Variants in RPRD2 observed in about 807,000 individuals in gnomAD.
The protein encoded by RPRD2 is regulation of nuclear pre-mRNA domain containing 2.
A neutral mutation model predicts 104.4 loss-of-function variants in RPRD2; 12 were observed. The ratio of observed to expected loss-of-function variants is 0.11; its 90% confidence interval spans 0.07 to 0.19. The LOEUF (loss-of-function observed/expected upper bound fraction) is 0.19. Ranked by LOEUF, RPRD2 falls within the 10% of genes least tolerant of loss-of-function variation. The pLI is 1.00. For synonymous variants in RPRD2, 714 were observed against 684.9 expected, an observed-to-expected ratio of 1.04 and a Z score of -0.66; for missense variants, 1,543 against 1,790.1, an observed-to-expected ratio of 0.86 and a Z score of 2.49.
intron 1 of RPRD2, among the ~76,000 whole-genome samples, chr1:150,407,052 A>G (rs1368102279): frequency 6.6e-6 from 1 of 152,210 alleles, no homozygotes; most frequent in Admixed American, 6.6e-5. Flanking sequence ...TATGACCTCT[A>G]GTAATGTACA....
chr1:150,473,853 C>G lies in RPRD2; in HGVS notation c.*519C>G, dbSNP rs1433979870. The G allele has an allele frequency of 6.6e-6, 1 of 152,264 alleles. No individual in the cohort carries two copies. The highest frequency in any genetic ancestry group is 1.5e-5 in the Non-Finnish European group (1 of 68,102). 9.4% of individuals were successfully genotyped at this position (152,264 alleles called of 1,614,324 possible). A position where few individuals can be genotyped will look rare whatever the true frequency, so the allele number is the denominator to read the frequency against. ...TCCCTGTGTATCTGTGTCCTGCTAA[C>G]AGCCAAGAGATGTTGCAAGGGAGGA... is the stretch of plus-strand genomic sequence containing the variant. On this transcript the variant is annotated 3_prime_UTR_variant, in exon 11 of 11. Coordinates refer to ENST00000369068, the MANE Select transcript of RPRD2 (RefSeq NM_015203.5).
intron 1 of RPRD2, among the ~76,000 whole-genome samples, chr1:150,404,074 C>T (rs189853555): frequency 2.0e-5 from 3 of 152,232 alleles, no homozygotes; most frequent in East Asian, 3.9e-4. Context: ...AATATTAACC[C>T]TATTGACTCC....
chr1:150,397,055 C>T (rs1662584205), intron 1 of RPRD2, among the ~76,000 whole-genome samples: 1 of 152,122 alleles, frequency 6.6e-6, no homozygotes, highest in Non-Finnish European at 1.5e-5. Flanking sequence ...TTCACTGCAG[C>T]CTCTGCCTCC....
In RPRD2 at chr1:150,444,156, T is replaced by C. The variant is rs879956524; in HGVS notation, c.568-95T>C. The C allele has an allele frequency of 4.9e-5, 62 of 1,262,302 alleles. No individual in the cohort carries two copies. The South Asian group carries it at 8.9e-4, about 18-fold the overall frequency. 78.2% of individuals were successfully genotyped at this position (1,262,302 alleles called of 1,614,324 possible). On this transcript the variant is annotated intron_variant, in intron 5 of 10. Coordinates refer to ENST00000369068, the MANE Select transcript of RPRD2 (RefSeq NM_015203.5). The stretch of plus-strand genomic sequence containing the variant: ...TTGTTAAGCTTTAGGGTGTTTGTTT[T>C]GTTTTGTTTTGTTTTGTTTTACAAA...
intron 1 of RPRD2, among the ~76,000 whole-genome samples, chr1:150,398,779 G>A (rs1348668114): frequency 1.3e-5 from 2 of 151,978 alleles, no homozygotes; most frequent in African/African-American, 4.8e-5. Context: ...CTGACCTCAA[G>A]TGATCCACCC....
chr1:150,409,963 T>A (rs1400522043), intron 1 of RPRD2, among the ~76,000 whole-genome samples: 2 of 152,042 alleles, frequency 1.3e-5, no homozygotes, highest in African/African-American at 4.8e-5. Context: ...CAGTTTTAAG[T>A]AAGGTAGTCA....
At chr1:150,397,152 A>G (rs1467461057) in intron 1 of RPRD2, among the ~76,000 whole-genome samples, 2 of 151,860 alleles carry the variant, frequency 1.3e-5, no homozygotes, top group Admixed American at 1.3e-4. Context: ...TTTTGTATTT[A>G]TAGTAGAGAG....
intron 2 of RPRD2, among the ~76,000 whole-genome samples, chr1:150,438,869 T>A (rs1666206407): frequency 6.6e-6 from 1 of 151,974 alleles, no homozygotes; most frequent in Non-Finnish European, 1.5e-5. Context: ...GGAGTCTCAC[T>A]CTGTCTCCAG....
chr1:150,392,507 A>T (rs1169028535), intron 1 of RPRD2, among the ~76,000 whole-genome samples: 2 of 152,196 alleles, frequency 1.3e-5, no homozygotes, highest in African/African-American at 4.8e-5. Flanking sequence ...TCCAAAAAAA[A>T]TTGGGTAAAA....
chr1:150,406,531 T>C (rs834241), intron 1 of RPRD2, among the ~76,000 whole-genome samples: 83,695 of 151,772 alleles, frequency 0.55, 23,832 homozygotes, highest in Non-Finnish European at 0.62. Context: ...CTCAGCCTCT[T>C]GAGTAGCTGA....
chr1:150,413,032 A>G (rs1370566833), intron 1 of RPRD2, among the ~76,000 whole-genome samples: 6 of 152,118 alleles, frequency 3.9e-5, no homozygotes, highest in Admixed American at 3.3e-4. Flanking sequence ...TGGCAACAAT[A>G]TAGGGAGGAA....
intron 7 of RPRD2, among the ~76,000 whole-genome samples, chr1:150,448,294 G>A (rs895071890): frequency 1.3e-5 from 2 of 151,938 alleles, no homozygotes; most frequent in African/African-American, 2.4e-5. Context: ...TCAGCCTCCC[G>A]AGTAGCTGGG....
chr1:150,472,148 TCTC>T lies in RPRD2; in HGVS notation c.3209_3211del (p.Ser1070del), dbSNP rs774706768. On this transcript the variant is annotated inframe_deletion, in exon 11 of 11. Coordinates refer to ENST00000369068, the MANE Select transcript of RPRD2 (RefSeq NM_015203.5). Reference sequence around the variant, plus strand: ...GAGCACTACCGCATAGAAACCCGCGTCTCCTCCTCCTGCTTAGACTTGCCTGAT... The same window carrying T: ...GAGCACTACCGCATAGAAACCCGCGTCTCCTCCTGCTTAGACTTGCCTGAT... The T allele has an allele frequency of 1.9e-6, 3 of 1,613,642 alleles. No homozygotes were observed. Among genetic ancestry groups the T allele is most frequent in the East Asian group, 2.2e-5 (1 of 44,868 alleles).
intron 9 of RPRD2, among the ~76,000 whole-genome samples, chr1:150,463,822 T>C (rs1444681533): frequency 1.3e-5 from 2 of 152,190 alleles, no homozygotes; most frequent in Non-Finnish European, 2.9e-5. Flanking sequence ...CCTACAGGGC[T>C]CTGAACTGTA....
intron 1 of RPRD2, among the ~76,000 whole-genome samples, chr1:150,393,807 G>T (rs1388894183): frequency 7.9e-5 from 12 of 152,036 alleles, no homozygotes; most frequent in African/African-American, 2.9e-4. Flanking sequence ...AGGACATCTG[G>T]CTTGGATCAT....
At chr1:150,408,770 A>G (rs587731297) in intron 1 of RPRD2, 1 of 152,282 alleles carries the variant, frequency 6.6e-6, no homozygotes, top group South Asian at 2.1e-4. Context: ...ACTATTCTTT[A>G]GGTTGCTTCT....
chr1:150,434,700 C>G (rs955632096), intron 2 of RPRD2, among the ~76,000 whole-genome samples: 2 of 152,052 alleles, frequency 1.3e-5, no homozygotes, highest in Non-Finnish European at 2.9e-5. Context: ...ATCTGTAATC[C>G]TAGCTACTCG....
chr1:150,473,556 T>TAAAA lies in RPRD2; in HGVS notation c.*242_*245dup, dbSNP rs61486244. Reference sequence around the variant, plus strand: ...TCTACCTTCCCCAAGTTGTTTGTATTAAAAAAAAAAAAAAAAAAAAAAAGT... The same window carrying TAAAA: ...TCTACCTTCCCCAAGTTGTTTGTATTAAAAAAAAAAAAAAAAAAAAAAAAAAAGT... On this transcript the variant is annotated 3_prime_UTR_variant, in exon 11 of 11. Coordinates refer to ENST00000369068, the MANE Select transcript of RPRD2 (RefSeq NM_015203.5). 15 of 98,376 alleles carry TAAAA rather than the reference T, an allele frequency of 1.5e-4. No homozygotes were observed. Among genetic ancestry groups the TAAAA allele is most frequent in the Non-Finnish European group, 1.5e-4 (8 of 52,022 alleles). 6.1% of individuals were successfully genotyped at this position (98,376 alleles called of 1,614,324 possible).
chr1:150,423,568 T>A, intron 2 of RPRD2, among the ~76,000 whole-genome samples: 1 of 152,146 alleles, frequency 6.6e-6, no homozygotes, highest in Admixed American at 6.6e-5. Context: ...ATGCATGATC[T>A]TTTTTGGGAA....
Sources: allele counts gnomAD v4.1 joint callset (sites outside exome capture counted in the v4.1 genomes callset), GRCh38; gene constraint gnomAD v4.1.1; transcripts MANE v1.5; gene names NCBI Gene and HGNC (gene_info 2026-07-23, HGNC 2026-07-21).